Variants in TPTE observed in about 807,000 individuals in gnomAD.
TPTE encodes the protein transmembrane phosphatase with tensin homology.
TPTE carries 59 observed loss-of-function variants against 84.1 expected under a neutral mutation model. That is an observed-to-expected ratio of 0.70 (90% CI 0.57 to 0.87). TPTE has a LOEUF of 0.87. TPTE is among the 40% of genes least tolerant of loss of function. The probability of loss-of-function intolerance (pLI) is 0.00; values close to 1 mark genes in which losing one functional copy is unlikely to be tolerated. For missense variants in TPTE, 382 were observed against 659.6 expected, an observed-to-expected ratio of 0.58 and a Z score of 4.61; for synonymous variants, 130 against 223.5, an observed-to-expected ratio of 0.58 and a Z score of 3.73.
At chr21:10,537,693 GAAAA>G in intron 3 of TPTE, among the ~76,000 whole-genome samples, 1 of 150,406 alleles carries the variant, frequency 6.6e-6, no homozygotes, top group South Asian at 2.1e-4. Context: ...AAAAAAAAAA[GAAAA>G]AAGAAAAAGA....
chr21:10,523,507 G>A (rs2145565521), intron 1 of TPTE, among the ~76,000 whole-genome samples: 1 of 145,232 alleles, frequency 6.9e-6, no homozygotes, highest in Non-Finnish European at 1.5e-5. Flanking sequence ...GGGTCCACGT[G>A]TTCTCATTGT....
intron 10 of TPTE, among the ~76,000 whole-genome samples, chr21:10,561,805 G>C (rs1270757018): frequency 1.3e-5 from 2 of 152,310 alleles, no homozygotes; most frequent in African/African-American, 4.8e-5. Flanking sequence ...TAGGCTAGGA[G>C]AACTTGCCAT....
intron 10 of TPTE, among the ~76,000 whole-genome samples, chr21:10,565,030 A>T (rs1232568741): frequency 6.6e-6 from 1 of 152,302 alleles, no homozygotes; most frequent in Admixed American, 6.5e-5. Flanking sequence ...GAAAGGGAAT[A>T]AAAAAAGAAA....
chr21:10,599,539 A>AAT (rs2075650452), intron 21 of TPTE, among the ~76,000 whole-genome samples: 1 of 152,312 alleles, frequency 6.6e-6, no homozygotes, highest in African/African-American at 2.4e-5. Flanking sequence ...TAAATTAGAT[A>AAT]ATATATATAA....
chr21:10,582,637 C>T (rs1238953851), intron 17 of TPTE, among the ~76,000 whole-genome samples: 17 of 152,238 alleles, frequency 1.1e-4, no homozygotes, highest in Admixed American at 9.9e-4. Context: ...CACATCTTTT[C>T]AAATATTCAT....
At chr21:10,562,174 T>C (rs991057017) in intron 10 of TPTE, among the ~76,000 whole-genome samples, 1 of 152,312 alleles carries the variant, frequency 6.6e-6, no homozygotes, top group South Asian at 2.1e-4. Flanking sequence ...AACCAGAGTT[T>C]AGGAGGCTTG....
chr21:10,541,339 G>T (rs1383744575), intron 5 of TPTE, among the ~76,000 whole-genome samples, 174 bp downstream of exon 5: 1 of 152,306 alleles, frequency 6.6e-6, no homozygotes, highest in Non-Finnish European at 1.5e-5. Context: ...AGGTGTGGTG[G>T]CAGGTGCCTC....
intron 2 of TPTE, among the ~76,000 whole-genome samples, chr21:10,526,208 T>C (rs1461945200): frequency 6.6e-6 from 1 of 152,306 alleles, no homozygotes; most frequent in Non-Finnish European, 1.5e-5. Flanking sequence ...TTCAAGGACA[T>C]GAGAACACCC....
chr21:10,558,438 A>G (rs1322457153), intron 8 of TPTE, among the ~76,000 whole-genome samples: 1 of 152,426 alleles, frequency 6.6e-6, no homozygotes, highest in South Asian at 2.1e-4. Context: ...TTTTAGTAAT[A>G]GCCATTCTGA....
At chr21:10,603,501 T>A in intron 22 of TPTE, 61 bp from the exon 23 acceptor site, 1 of 1,495,632 alleles carries the variant, frequency 6.7e-7, no homozygotes, top group Admixed American at 1.9e-5. Context: ...GGAACTTCAA[T>A]TTCTTTGGAA....
intron 10 of TPTE, among the ~76,000 whole-genome samples, chr21:10,562,665 A>C (rs2074832727): frequency 1.3e-5 from 2 of 152,310 alleles, no homozygotes; most frequent in South Asian, 4.1e-4. Context: ...AGAATTGATA[A>C]ACCAGAAGAA....
chr21:10,577,775 T>A lies in TPTE; in HGVS notation c.856+255T>A, dbSNP rs2075187901. 2.0e-5 allele frequency among the ~76,000 whole-genome samples: 3 copies of A among 152,420 alleles called. No individual in the cohort carries two copies. The South Asian group carries it at 6.2e-4, about 32-fold the overall frequency. On this transcript the variant is annotated intron_variant, in intron 15 of 23. Transcript: ENST00000618007. ...TGGAAGAAAACCATTTTAGGGAAGATCTGTTCTAGCGATATTAGGTTTAGG... is the reference window on the plus strand; with the variant it reads ...TGGAAGAAAACCATTTTAGGGAAGAACTGTTCTAGCGATATTAGGTTTAGG...
chr21:10,592,142 G>C (rs947514926), intron 18 of TPTE, 151 bp from the exon 19 acceptor site: 1 of 1,309,262 alleles, frequency 7.6e-7, no homozygotes, highest in African/African-American at 1.5e-5. Context: ...TCCAGTCTGG[G>C]TTACAGAGCA....
chr21:10,534,863 T>A (rs1198793705), intron 3 of TPTE, among the ~76,000 whole-genome samples: 1 of 152,308 alleles, frequency 6.6e-6, no homozygotes, highest in Non-Finnish European at 1.5e-5. Flanking sequence ...TAGCTAAAAC[T>A]TTCAGAAAAC....
At chr21:10,528,583 C>T (rs1240129640) in intron 3 of TPTE, among the ~76,000 whole-genome samples, 1 of 152,308 alleles carries the variant, frequency 6.6e-6, no homozygotes. Flanking sequence ...AGCAACCTTA[C>T]ATAGAGCTTT....
At chr21:10,544,908 T>C (rs1224668697) in intron 7 of TPTE, among the ~76,000 whole-genome samples, 2 of 152,042 alleles carry the variant, frequency 1.3e-5, no homozygotes, top group Non-Finnish European at 2.9e-5. Flanking sequence ...ATAAACTTGA[T>C]TCATTAAGTT....
chr21:10,545,431 G>A (rs1313626017), intron 7 of TPTE, among the ~76,000 whole-genome samples: 6 of 152,306 alleles, frequency 3.9e-5, no homozygotes, highest in Admixed American at 2.6e-4. Flanking sequence ...TAGAGCAAAT[G>A]TACATAATTT....
At chr21:10,543,014 CTTTTTTTTTT>C (rs1051322060) in intron 6 of TPTE, among the ~76,000 whole-genome samples, 2 of 72,276 alleles carry the variant, frequency 2.8e-5, no homozygotes, top group Admixed American at 1.9e-4. Flanking sequence ...TGACTGTATT[CTTTTTTTTTT>C]TTTTTTTTTT....
At position 10,605,146 on chromosome 21, in the gene TPTE, T is replaced by C. The variant is rs1324358267; in HGVS notation, c.1521-271T>C. ...CTGATTTCTGTCACAGAGAGAAATT[T>C]AGATATTTTATTAAACTTGGATGTC... On this transcript the variant is annotated intron_variant, in intron 23 of 23. Transcript: ENST00000618007. Among the ~76,000 whole-genome samples the C allele has an allele frequency of 3.9e-5, 6 of 152,426 alleles. No individual in the cohort carries two copies. The Middle Eastern group carries it at 0.01, about 263-fold the overall frequency.
Sources: allele counts gnomAD v4.1 joint callset (sites outside exome capture counted in the v4.1 genomes callset), GRCh38; gene constraint gnomAD v4.1.1; transcripts MANE v1.5; gene names NCBI Gene and HGNC (gene_info 2026-07-23, HGNC 2026-07-21).